Variants in IMPG2 observed in about 807,000 individuals in gnomAD.
The protein encoded by IMPG2 is interphotoreceptor matrix proteoglycan 2, also known as IPM 200.
IMPG2 carries 91 observed loss-of-function variants against 129.2 expected under a neutral mutation model. The observed-to-expected ratio is 0.70, with a 90% CI of 0.59 to 0.84. The LOEUF is 0.84. Ranked by LOEUF, IMPG2 falls within the 40% of genes least tolerant of loss-of-function variation. IMPG2 has a pLI of 0.00. For synonymous variants in IMPG2, 510 were observed against 517.7 expected (o/e 0.99, Z 0.20); for missense variants, 1,430 against 1,461.7 (o/e 0.98, Z 0.35).
intron 9 of IMPG2, among the ~76,000 whole-genome samples, chr3:101,259,443 A>G (rs1004360434): frequency 2.0e-5 from 3 of 151,898 alleles, no homozygotes; most frequent in African/African-American, 7.3e-5. Flanking sequence ...CTACTTCTTT[A>G]CTTTAGCCTT....
intron 14 of IMPG2, among the ~76,000 whole-genome samples, chr3:101,236,584 G>A (rs567842808): frequency 7.9e-5 from 12 of 152,254 alleles, no homozygotes; most frequent in South Asian, 2.1e-4. Flanking sequence ...CACCTCACCC[G>A]GAAGTGCAAG....
intron 14 of IMPG2, among the ~76,000 whole-genome samples, chr3:101,240,957 G>A (rs188392707): frequency 7.5e-4 from 114 of 152,270 alleles, no homozygotes; most frequent in Non-Finnish European, 1.3e-3. Flanking sequence ...AGAAAGGAAG[G>A]AAGAAGAAAA....
At chr3:101,304,361 G>C in intron 2 of IMPG2, 49 bp from the exon 3 acceptor site, 1 of 1,531,584 alleles carries the variant, frequency 6.5e-7, no homozygotes, top group Non-Finnish European at 9.0e-7. Flanking sequence ...ATGCTCTGGG[G>C]TTCTTACAAT....
intron 13 of IMPG2, 27 bp from the exon 14 acceptor site, chr3:101,242,934 A>C: frequency 6.3e-7 from 1 of 1,579,542 alleles, no homozygotes; most frequent in Non-Finnish European, 8.7e-7. Context: ...TGGTAAGTTT[A>C]TTGACAGCGT....
chr3:101,308,131 C>T (rs769344389), intron 2 of IMPG2, among the ~76,000 whole-genome samples: 11 of 152,236 alleles, frequency 7.2e-5, no homozygotes, highest in Admixed American at 5.2e-4. Context: ...CAGCCCGCCT[C>T]CCAGCTGCCT....
rs768189143 is a variant in IMPG2 at position 101,229,531 on chromosome 3, G to A, written c.3482C>T (p.Pro1161Leu). ...TCCAGCCCTGTGACTTTCATACACG[G>A]GGTTGTACTTCACAGCATTCTCAAT... ...SSIENAVKYN[P>L]VYESHRAGCE... The change falls in exon 17 of 19, where the codon CCC becomes CTC. Residue 1161 changes from proline to leucine, a missense_variant. Transcript: ENST00000193391. The A allele has an allele frequency of 1.5e-5, 24 of 1,613,870 alleles. No homozygotes were observed. Among genetic ancestry groups the A allele is most frequent in the Middle Eastern group, 3.4e-4 (2 of 5,958 alleles).
chr3:101,306,846 A>G (rs1271053776), intron 2 of IMPG2, among the ~76,000 whole-genome samples: 2 of 152,224 alleles, frequency 1.3e-5, no homozygotes, highest in African/African-American at 4.8e-5. Context: ...TATAGGCAGT[A>G]CACAGAAAGC....
At chr3:101,233,991 A>C (rs767891062) in intron 14 of IMPG2, among the ~76,000 whole-genome samples, 1 of 151,872 alleles carries the variant, frequency 6.6e-6, no homozygotes, top group African/African-American at 2.4e-5. Flanking sequence ...AATTTTGCAC[A>C]AGTCTGTGCC....
Position 101,228,723 on chromosome 3 carries a change from C to T in IMPG2, c.3713+74G>A, listed in dbSNP as rs530066684. On this transcript the variant is annotated intron_variant, in intron 18 of 18. Coordinates refer to ENST00000193391, the MANE Select transcript of IMPG2 (RefSeq NM_016247.4). ...ACATGGACAGGAAATTATGTGCTCA[C>T]TCAGGTGTGACATTACTCTAGAGTA... 768 of 1,157,608 alleles carry T rather than the reference C, an allele frequency of 6.6e-4. 15 individuals are homozygous for T. The South Asian group carries it at 9.0e-3, about 14-fold the overall frequency. 71.7% of individuals were successfully genotyped at this position (1,157,608 alleles called of 1,614,324 possible).
At chr3:101,301,524 C>T (rs1455269108) in intron 3 of IMPG2, among the ~76,000 whole-genome samples, 2 of 152,214 alleles carry the variant, frequency 1.3e-5, no homozygotes, top group African/African-American at 4.8e-5. Context: ...ACCCAAATAG[C>T]AAACAATTCA....
intron 4 of IMPG2, among the ~76,000 whole-genome samples, chr3:101,280,936 G>A (rs190735932): frequency 2.5e-4 from 38 of 149,604 alleles, no homozygotes; most frequent in Middle Eastern, 6.9e-3. Flanking sequence ...GTGACAGAGC[G>A]AGACTGTTGC....
intron 3 of IMPG2, among the ~76,000 whole-genome samples, chr3:101,298,999 A>G (rs1357695000): frequency 2.0e-5 from 3 of 152,128 alleles, no homozygotes; most frequent in African/African-American, 7.2e-5. Context: ...ATGTTTTACA[A>G]CTTGGTTCCT....
chr3:101,319,979 G>A (rs560406981), intron 1 of IMPG2, 147 bp from the exon 2 acceptor site: 2 of 787,962 alleles, frequency 2.5e-6, no homozygotes, highest in East Asian at 2.6e-5. Flanking sequence ...AAGGAAAAGA[G>A]GAGTGAGGCA....
intron 7 of IMPG2, among the ~76,000 whole-genome samples, chr3:101,271,203 C>G (rs948045287): frequency 2.6e-5 from 4 of 152,176 alleles, no homozygotes; most frequent in African/African-American, 9.7e-5. Flanking sequence ...AGTCTCAGCT[C>G]TGTTTCTGCT....
chr3:101,251,208 C>T (rs1157812247), intron 11 of IMPG2, among the ~76,000 whole-genome samples: 1 of 152,134 alleles, frequency 6.6e-6, no homozygotes, highest in African/African-American at 2.4e-5. Context: ...AAAAGAAATC[C>T]TCAAGCAGTA....
In IMPG2 at chr3:101,278,701, TA is replaced by T. The variant is rs753252572; in HGVS notation, c.534-1989del. Among the ~76,000 whole-genome samples the T allele has an allele frequency of 3.1e-3, 441 of 141,530 alleles. 2 individuals carry two copies. The highest frequency in any genetic ancestry group is 7.4e-3 in the African/African-American group (288 of 38,728). The allele number at this position is 141,530 out of a possible 152,430, so 92.8% of individuals were successfully genotyped here. A position where few individuals can be genotyped will look rare whatever the true frequency, so the allele number is the denominator to read the frequency against. ...GGCAGAAAATTTGAGAAACATAAGTTAAAAAAAAAAAACAAACTTCACCATA... is the reference window on the plus strand; with the variant it reads ...GGCAGAAAATTTGAGAAACATAAGTTAAAAAAAAAAACAAACTTCACCATA... On this transcript the variant is annotated intron_variant, in intron 4 of 18. Coordinates refer to ENST00000193391, the MANE Select transcript of IMPG2 (RefSeq NM_016247.4).
chr3:101,273,598 C>T lies in IMPG2; in HGVS notation c.811G>A (p.Glu271Lys), dbSNP rs1706810317. ...SSSFHHQHLE[E>K]EFISEVENAF... is the part of the protein sequence containing the mutation. Reference sequence around the variant, plus strand: ...TCACCCACCTCTGAAATAAATTCTTCTTCAAGGTGCTGGTGGTGAAAGCTG... The same window carrying T: ...TCACCCACCTCTGAAATAAATTCTTTTTCAAGGTGCTGGTGGTGAAAGCTG... The change falls in exon 7 of 19, where the codon GAA becomes AAA. Residue 271 changes from glutamate (E) to lysine (K), a missense_variant. Physicochemically the swap from Glu to Lys is moderately conservative, Grantham distance 56. Transcript: ENST00000193391. 2 of 1,613,886 alleles carry T rather than the reference C, an allele frequency of 1.2e-6. No individual in the cohort carries two copies. The highest frequency in any genetic ancestry group is 1.7e-5 in the Admixed American group (1 of 59,996).
chr3:101,249,073 A>G (rs138038452), intron 11 of IMPG2, among the ~76,000 whole-genome samples: 1 of 152,246 alleles, frequency 6.6e-6, no homozygotes, highest in African/African-American at 2.4e-5. Context: ...TCCCTCCACA[A>G]TTACAGCTCC....
chr3:101,288,072 G>T (rs1559654186), intron 4 of IMPG2, among the ~76,000 whole-genome samples: 1 of 152,082 alleles, frequency 6.6e-6, no homozygotes, highest in South Asian at 2.1e-4. Flanking sequence ...CCATTAAAAA[G>T]TAGGCAAAGG....
Sources: allele counts gnomAD v4.1 joint callset (sites outside exome capture counted in the v4.1 genomes callset), GRCh38; gene constraint gnomAD v4.1.1; transcripts MANE v1.5; gene names NCBI Gene and HGNC (gene_info 2026-07-23, HGNC 2026-07-21).